Variants in KANK1 observed in about 807,000 individuals in gnomAD.
KANK1 encodes the protein KN motif and ankyrin repeat domain-containing protein 1.
A neutral mutation model predicts 106.2 loss-of-function variants in KANK1; 109 were observed. That is an observed-to-expected ratio of 1.03 (90% CI 0.88 to 1.20). The LOEUF is 1.20. KANK1 is among the 50% of genes most tolerant of loss of function. The pLI is 0.00. For missense variants in KANK1, 2,399 were observed against 1,710.7 expected (o/e 1.40, Z -7.10); for synonymous variants, 873 against 652.2 (o/e 1.34, Z -5.16).
intron 3 of KANK1, among the ~76,000 whole-genome samples, chr9:728,478 C>T (rs746399499): frequency 3.3e-5 from 5 of 152,224 alleles, no homozygotes; most frequent in East Asian, 3.9e-4. Context: ...GGTTAACAGG[C>T]ATGAGCCACT....
chr9:695,532 C>G (rs999913959), intron 2 of KANK1, among the ~76,000 whole-genome samples: 1 of 151,884 alleles, frequency 6.6e-6, no homozygotes, highest in Admixed American at 6.6e-5. Context: ...AAGAAGAAAC[C>G]AATGTAGAAC....
chr9:631,681 A>G (rs1835781570), intron 1 of KANK1, among the ~76,000 whole-genome samples: 2 of 152,226 alleles, frequency 1.3e-5, no homozygotes, highest in South Asian at 4.1e-4. Flanking sequence ...TCCAAAATAA[A>G]GTCCAACTGT....
chr9:597,400 C>T (rs745928518), intron 1 of KANK1, among the ~76,000 whole-genome samples: 1 of 151,750 alleles, frequency 6.6e-6, no homozygotes, highest in Non-Finnish European at 1.5e-5. Flanking sequence ...AAATTATAGT[C>T]GTCCTTGTGG....
intron 8 of KANK1, among the ~76,000 whole-genome samples, chr9:739,004 C>G (rs1834586838): frequency 6.6e-6 from 1 of 152,170 alleles, no homozygotes; most frequent in African/African-American, 2.4e-5. Flanking sequence ...GTCAAATGAT[C>G]ACCATTCTCA....
chr9:694,553 A>G (rs147423251), intron 2 of KANK1, among the ~76,000 whole-genome samples: 14 of 152,282 alleles, frequency 9.2e-5, no homozygotes, highest in Non-Finnish European at 1.6e-4. Flanking sequence ...ATTTGGGGTA[A>G]AGAGTTGCTG....
intron 2 of KANK1, among the ~76,000 whole-genome samples, chr9:703,934 G>C (rs1190931661): frequency 6.6e-6 from 1 of 152,116 alleles, no homozygotes; most frequent in Non-Finnish European, 1.5e-5. Flanking sequence ...GACTGGTCTT[G>C]AACTCCTGAC....
intron 2 of KANK1, among the ~76,000 whole-genome samples, chr9:704,317 A>T (rs1823450772): frequency 6.6e-6 from 1 of 152,202 alleles, no homozygotes; most frequent in South Asian, 2.1e-4. Flanking sequence ...TTGAGGCCCA[A>T]GTTCCTTCTA....
At chr9:473,699 A>C (rs1212318223) in intron 3 of KANK1, among the ~76,000 whole-genome samples, 1 of 151,916 alleles carries the variant, frequency 6.6e-6, no homozygotes, top group Non-Finnish European at 1.5e-5. Flanking sequence ...AGAAAGAACA[A>C]GAATTTTTTT....
intron 3 of KANK1, among the ~76,000 whole-genome samples, chr9:726,280 C>T (rs912750832): frequency 5.9e-4 from 90 of 152,080 alleles, no homozygotes; most frequent in African/African-American, 1.8e-3. Context: ...TGGGGCAGGC[C>T]GCTGATTTGT....
chr9:563,663 A>C (rs1028989309), intron 1 of KANK1, among the ~76,000 whole-genome samples: 12 of 152,196 alleles, frequency 7.9e-5, no homozygotes, highest in African/African-American at 2.9e-4. Flanking sequence ...CAGAAGTGTC[A>C]GTGAAATTGA....
chr9:736,331 T>A (rs1224715711), intron 7 of KANK1, among the ~76,000 whole-genome samples: 2 of 152,286 alleles, frequency 1.3e-5, no homozygotes, highest in South Asian at 2.1e-4. Context: ...ACATATTTTT[T>A]AAATATTTTC....
chr9:592,517 C>CT (rs1825211556), intron 1 of KANK1, among the ~76,000 whole-genome samples: 1 of 151,822 alleles, frequency 6.6e-6, no homozygotes, highest in Admixed American at 6.5e-5. Flanking sequence ...ATACCTGTGT[C>CT]TAAGTACGTT....
At chr9:602,569 T>G (rs1215809061) in intron 1 of KANK1, among the ~76,000 whole-genome samples, 1 of 145,722 alleles carries the variant, frequency 6.9e-6, no homozygotes, top group African/African-American at 2.7e-5. Context: ...CCATTCCATA[T>G]TTTAATGAGA....
chr9:647,427 A>G (rs1002441956), intron 1 of KANK1, among the ~76,000 whole-genome samples: 2 of 150,964 alleles, frequency 1.3e-5, no homozygotes, highest in African/African-American at 5.0e-5. Flanking sequence ...AGAAGACTCT[A>G]TCACTTCATA....
chr9:626,999 T>C (rs1563885876), intron 1 of KANK1, among the ~76,000 whole-genome samples: 2 of 152,180 alleles, frequency 1.3e-5, no homozygotes, highest in Non-Finnish European at 2.9e-5. Flanking sequence ...GCTATTTTGG[T>C]CTTTATTTCA....
chr9:531,785 C>A (rs954190297), intron 1 of KANK1, among the ~76,000 whole-genome samples: 3 of 152,310 alleles, frequency 2.0e-5, no homozygotes, highest in Non-Finnish European at 2.9e-5. Context: ...CGCCTTCTGG[C>A]GTCTGTCCTC....
chr9:479,943 A>G (rs1456231505), intron 3 of KANK1, among the ~76,000 whole-genome samples: 1 of 152,238 alleles, frequency 6.6e-6, no homozygotes, highest in African/African-American at 2.4e-5. Context: ...ATGGCCTTTC[A>G]TATGGAAATG....
rs1159565334 is a variant in KANK1 at position 626,835 on chromosome 9, CA to C, written c.-83-50053del. ...AAGCTGTAATGACATGATGCTTTCA[CA>C]ATAGCAGATTGAAGTTAGACTCCAG... On this transcript the variant is annotated intron_variant, in intron 1 of 11. Transcript: ENST00000382297. 2.0e-5 allele frequency among the ~76,000 whole-genome samples: 3 copies of C among 152,186 alleles called. No homozygotes were observed. In the East Asian group the frequency reaches 5.8e-4, roughly 29 times the overall value.
chr9:707,078 G>A (rs1448466427), intron 2 of KANK1: 47 of 985,334 alleles, frequency 4.8e-5, no homozygotes, highest in Non-Finnish European at 5.5e-5. Flanking sequence ...AGACCTCGCC[G>A]GTGAAAGCTC....
Sources: gnomAD v4.1 joint callset for allele counts (sites outside exome capture counted in the v4.1 genomes callset) on GRCh38, gnomAD v4.1.1 for gene constraint, MANE v1.5 for transcripts, NCBI Gene and HGNC (gene_info 2026-07-23, HGNC 2026-07-21) for gene names.